Variants in CA8 observed in about 807,000 individuals in gnomAD.
CA8 encodes carbonic anhydrase-related protein.
A neutral mutation model predicts 41.4 loss-of-function variants in CA8; 22 were observed. The observed-to-expected ratio is 0.53, with a 90% CI of 0.38 to 0.76. The LOEUF (loss-of-function observed/expected upper bound fraction) is 0.76. Ranked by LOEUF, CA8 falls within the 30% of genes least tolerant of loss-of-function variation. The probability of loss-of-function intolerance (pLI) is 0.00; values close to 1 mark genes in which losing one functional copy is unlikely to be tolerated. For synonymous variants in CA8, 121 were observed against 130.6 expected (o/e 0.93, Z 0.50); for missense variants, 270 against 352.8 (o/e 0.77, Z 1.88).
intron 8 of CA8, among the ~76,000 whole-genome samples, chr8:60,201,147 G>T (rs1806415488): frequency 6.6e-6 from 1 of 152,204 alleles, no homozygotes; most frequent in Admixed American, 6.5e-5. Context: ...AAGAAAACTG[G>T]AAGAGAGGCA....
At chr8:60,193,802 G>A (rs1010092829) in intron 8 of CA8, among the ~76,000 whole-genome samples, 1 of 152,170 alleles carries the variant, frequency 6.6e-6, no homozygotes, top group Non-Finnish European at 1.5e-5. Context: ...TGGGAATTCA[G>A]TGGATTCTTT....
At chr8:60,281,020 C>G (rs771259928) in intron 1 of CA8, 28 bp downstream of exon 1, 6 of 1,551,954 alleles carry the variant, frequency 3.9e-6, no homozygotes, top group African/African-American at 2.7e-5. Context: ...CCGCGGGACC[C>G]CGGACACCCC....
intron 6 of CA8, among the ~76,000 whole-genome samples, chr8:60,223,255 A>T (rs1273834266): frequency 1.3e-5 from 2 of 152,200 alleles, no homozygotes; most frequent in East Asian, 3.9e-4. Context: ...TGGCAGAGCC[A>T]GGATTCAAAT....
chr8:60,201,095 G>A, intron 8 of CA8, among the ~76,000 whole-genome samples: 1 of 152,122 alleles, frequency 6.6e-6, no homozygotes, highest in Non-Finnish European at 1.5e-5. Flanking sequence ...GAAATATGGG[G>A]TAAGGTAAAG....
At chr8:60,191,763 C>G (rs1268915369) in intron 8 of CA8, among the ~76,000 whole-genome samples, 1 of 152,102 alleles carries the variant, frequency 6.6e-6, no homozygotes, top group Non-Finnish European at 1.5e-5. Context: ...AAATATTAAG[C>G]TACCATGGCC....
intron 8 of CA8, among the ~76,000 whole-genome samples, chr8:60,196,499 T>C (rs1806285754): frequency 6.6e-6 from 1 of 152,102 alleles, no homozygotes; most frequent in African/African-American, 2.4e-5. Context: ...AATATGCAAG[T>C]TGGAGTAAAT....
intron 7 of CA8, among the ~76,000 whole-genome samples, chr8:60,221,013 G>A (rs1392801966): frequency 6.6e-6 from 1 of 152,186 alleles, no homozygotes. Flanking sequence ...AAACACACAT[G>A]TTGAATTTTA....
chr8:60,245,438 TAACA>T (rs1207361562), intron 3 of CA8, among the ~76,000 whole-genome samples: 3 of 152,206 alleles, frequency 2.0e-5, no homozygotes, highest in South Asian at 2.1e-4. Context: ...TTTAAAATCA[TAACA>T]AACTAATCCA....
Position 60,229,430 on chromosome 8 carries a change from G to A in CA8, c.514-2495C>T, listed in dbSNP as rs188881963. 3.0e-4 allele frequency among the ~76,000 whole-genome samples: 46 copies of A among 152,154 alleles called. No individual in the cohort carries two copies. In the East Asian group the frequency reaches 4.3e-3, roughly 14 times the overall value. The stretch of plus-strand genomic sequence containing the variant: ...ACCCACGTGCTCAAGCCATCCTCCC[G>A]AGGGGACCATCTTCTAAGGCTATCA... On this transcript the variant is annotated intron_variant, in intron 4 of 8. Coordinates refer to ENST00000317995, the MANE Select transcript of CA8 (RefSeq NM_004056.6).
At chr8:60,263,214 C>T (rs901910642) in intron 3 of CA8, among the ~76,000 whole-genome samples, 1 of 151,660 alleles carries the variant, frequency 6.6e-6, no homozygotes, top group Non-Finnish European at 1.5e-5. Flanking sequence ...TCCCAGCTAC[C>T]ATGGAGGCTG....
chr8:60,263,437 A>G (rs1488462242), intron 3 of CA8, among the ~76,000 whole-genome samples: 1 of 152,196 alleles, frequency 6.6e-6, no homozygotes, highest in Non-Finnish European at 1.5e-5. Flanking sequence ...AATGAAATCA[A>G]CAAAAAAGAA....
At chr8:60,260,851 C>T (rs879315033) in intron 3 of CA8, among the ~76,000 whole-genome samples, 5 of 152,176 alleles carry the variant, frequency 3.3e-5, no homozygotes, top group African/African-American at 1.2e-4. Flanking sequence ...GTTCAACAAA[C>T]ATGAAGTGCT....
At chr8:60,194,451 G>A (rs747216715) in intron 8 of CA8, among the ~76,000 whole-genome samples, 44 of 152,238 alleles carry the variant, frequency 2.9e-4, no homozygotes, top group Non-Finnish European at 6.2e-4. Context: ...GCTTCATCTG[G>A]AGAGTAGGGG....
chr8:60,280,920 AC>A (rs1446285986), intron 1 of CA8, 127 bp downstream of exon 1: 2 of 720,690 alleles, frequency 2.8e-6, no homozygotes, highest in Non-Finnish European at 4.9e-6. Flanking sequence ...AGTGGCAGAG[AC>A]CCCCGTGGGA....
chr8:60,279,756 C>G lies in CA8; in HGVS notation c.225G>C (p.Val75=). ...TGGTGACTTCACAGTCTCGGCACAC[C>G]ACATAATTTGGGGAGAGGCGGACAT... ...LLDVRLSPNY[V]VCRDCEVTND... is the part of the protein sequence containing the mutation. The change falls in exon 2 of 9, where the codon GTG becomes GTC. Residue 75 remains valine, a synonymous_variant. Transcript: ENST00000317995. 1.9e-6 allele frequency: 3 copies of G among 1,614,120 alleles called. No individual in the cohort carries two copies. Among genetic ancestry groups the G allele is most frequent in the Non-Finnish European group, 2.5e-6 (3 of 1,180,024 alleles).
At chr8:60,190,508 T>C (rs1806089472) in intron 8 of CA8, among the ~76,000 whole-genome samples, 1 of 144,996 alleles carries the variant, frequency 6.9e-6, no homozygotes, top group African/African-American at 2.5e-5. Context: ...TAACAAATAA[T>C]GTGCTTCTCA....
chr8:60,250,428 G>A (rs2055283569), intron 3 of CA8, among the ~76,000 whole-genome samples: 1 of 152,122 alleles, frequency 6.6e-6, no homozygotes, highest in Non-Finnish European at 1.5e-5. Context: ...TCAAATCTTA[G>A]AGGAACCAAA....
chr8:60,214,391 T>C (rs1806946082), intron 7 of CA8, among the ~76,000 whole-genome samples: 1 of 152,138 alleles, frequency 6.6e-6, no homozygotes, highest in Non-Finnish European at 1.5e-5. Flanking sequence ...ATACATCACA[T>C]TGGCAACACC....
intron 4 of CA8, among the ~76,000 whole-genome samples, chr8:60,229,160 G>GTTTTTTTT (rs11461598): frequency 1.3e-5 from 2 of 149,386 alleles, no homozygotes; most frequent in Non-Finnish European, 3.0e-5. Flanking sequence ...TGAACCACCT[G>GTTTTTTTT]TTTTTTTTTT....
Sources: gnomAD v4.1 joint callset for allele counts (sites outside exome capture counted in the v4.1 genomes callset) on GRCh38, gnomAD v4.1.1 for gene constraint, MANE v1.5 for transcripts, NCBI Gene and HGNC (gene_info 2026-07-23, HGNC 2026-07-21) for gene names.